TBC1D1: variants seen among roughly 807,000 people sequenced by gnomAD.
The protein encoded by TBC1D1 is TBC1 domain family member 1, also known as TBC1 (tre-2/USP6, BUB2, cdc16) domain family, member 1.
A neutral mutation model predicts 125.6 loss-of-function variants in TBC1D1; 89 were observed. The observed-to-expected ratio is 0.71, with a 90% CI of 0.60 to 0.85. The LOEUF (loss-of-function observed/expected upper bound fraction) is 0.85. Among genes scored for constraint, TBC1D1 ranks in the 40% least tolerant of loss-of-function variants. The pLI, the probability that TBC1D1 is intolerant of heterozygous loss-of-function variation, is 0.00. For synonymous variants in TBC1D1, 565 were observed against 564.1 expected, an observed-to-expected ratio of 1.00 and a Z score of -0.02; for missense variants, 1,377 against 1,469.2, an observed-to-expected ratio of 0.94 and a Z score of 1.03.
rs1200105886 is a variant in TBC1D1 at position 38,035,628 on chromosome 4, T to C, written c.1343T>C (p.Ile448Thr). Residue 448 changes from isoleucine (I) to threonine (T), a missense_variant, in exon 8 of 20, where the codon ATT becomes ACT. This residue lies in a region of TBC1D1 where 822 missense variants were observed against 824.6 expected (regional missense o/e 1.00). Coordinates refer to ENST00000261439, the MANE Select transcript of TBC1D1 (RefSeq NM_015173.4). ...AATGAGCAGCGAGAGAATGAATTGA[T>C]TATTTCTTTTCTGAGATGTTTATAT... The C allele has an allele frequency of 3.7e-6, 6 of 1,613,892 alleles. No individual in the cohort carries two copies. The African/African-American group carries it at 4.0e-5, about 11-fold the overall frequency.
Position 38,115,973 on chromosome 4 carries a change from G to C in TBC1D1, c.2802+19G>C. The C allele has an allele frequency of 6.2e-7, 1 of 1,609,952 alleles. No homozygotes were observed. ...TTTACAGGTATAGAGTGTTCCTTAT[G>C]TCTTTAATACAACAAAATGCTAAGA... On this transcript the variant is annotated intron_variant, in intron 16 of 19. Transcript: ENST00000261439.
chr4:38,107,934 G>A (rs916882458), intron 15 of TBC1D1, among the ~76,000 whole-genome samples: 5 of 152,064 alleles, frequency 3.3e-5, no homozygotes, highest in Non-Finnish European at 7.4e-5. Flanking sequence ...CCCCACCCCT[G>A]CTTTGGTGGA....
intron 2 of TBC1D1, among the ~76,000 whole-genome samples, chr4:37,903,275 T>C (rs1716534475): frequency 6.6e-6 from 1 of 152,256 alleles, no homozygotes; most frequent in Admixed American, 6.5e-5. Context: ...GCTTTGTTAT[T>C]AGCATTCGTT....
intron 2 of TBC1D1, among the ~76,000 whole-genome samples, chr4:37,989,068 T>C (rs541550103): frequency 3.0e-4 from 46 of 152,358 alleles, no homozygotes; most frequent in African/African-American, 1.0e-3. Context: ...CTGTCTCTTA[T>C]GGGGAAAATC....
At chr4:38,132,410 C>A (rs528018696) in intron 18 of TBC1D1, among the ~76,000 whole-genome samples, 25 of 152,200 alleles carry the variant, frequency 1.6e-4, no homozygotes, top group African/African-American at 5.8e-4. Flanking sequence ...CAGACACGGA[C>A]GGCTTGAGTC....
At position 38,138,467 on chromosome 4, in the gene TBC1D1, A is replaced by G. The variant is rs1028777984; in HGVS notation, c.*1132A>G. ...CCAAGAGTCTGGGACTTTCAAAAAA[A>G]AAAGATCAGGCTGAAACTGCAGTCA... is the stretch of plus-strand genomic sequence containing the variant. On this transcript the variant is annotated 3_prime_UTR_variant, in exon 20 of 20. Coordinates refer to ENST00000261439, the MANE Select transcript of TBC1D1 (RefSeq NM_015173.4). 3.9e-5 allele frequency: 6 copies of G among 152,626 alleles called. No homozygotes were observed. Among genetic ancestry groups the G allele is most frequent in the African/African-American group, 1.4e-4 (6 of 41,440 alleles). The allele number at this position is 152,626 out of a possible 1,614,324, so 9.5% of individuals were successfully genotyped here. A position where few individuals can be genotyped will look rare whatever the true frequency, so the allele number is the denominator to read the frequency against.
intron 12 of TBC1D1, among the ~76,000 whole-genome samples, chr4:38,063,843 G>T (rs1243975937): frequency 6.6e-6 from 1 of 152,070 alleles, no homozygotes. Flanking sequence ...TGGCCAGACT[G>T]GTCTACAACT....
At chr4:38,031,883 C>G (rs776401922) in intron 7 of TBC1D1, among the ~76,000 whole-genome samples, 1 of 152,204 alleles carries the variant, frequency 6.6e-6, no homozygotes, top group Non-Finnish European at 1.5e-5. Context: ...TTACTTTTAA[C>G]AGGCGATTAA....
chr4:38,054,567 G>C (rs906969980), intron 12 of TBC1D1, among the ~76,000 whole-genome samples: 3 of 152,208 alleles, frequency 2.0e-5, no homozygotes, highest in Non-Finnish European at 4.4e-5. Context: ...GCAGAGCTCT[G>C]ATGTTTAGAG....
At chr4:38,052,706 ACACACACGCGCGCGCGCGCGCG>A (rs1166509239) in intron 11 of TBC1D1, among the ~76,000 whole-genome samples, 43 of 96,320 alleles carry the variant, frequency 4.5e-4, no homozygotes, top group African/African-American at 1.9e-3. Context: ...GCGTATATAC[ACACACACGCGCGCGCGCGCGCG>A]CACACACACA....
At chr4:37,986,167 A>G (rs1735410227) in intron 2 of TBC1D1, among the ~76,000 whole-genome samples, 1 of 152,186 alleles carries the variant, frequency 6.6e-6, no homozygotes, top group Non-Finnish European at 1.5e-5. Flanking sequence ...GGATTTAGTA[A>G]TGTAATTACG....
At chr4:38,040,438 G>A (rs780853541) in intron 8 of TBC1D1, among the ~76,000 whole-genome samples, 9 of 152,138 alleles carry the variant, frequency 5.9e-5, no homozygotes, top group Non-Finnish European at 1.2e-4. Context: ...ATAGGCGTGC[G>A]CCACCACGCC....
intron 14 of TBC1D1, among the ~76,000 whole-genome samples, chr4:38,097,308 G>A (rs1271782316): frequency 6.7e-5 from 10 of 149,942 alleles, no homozygotes; most frequent in South Asian, 4.2e-4. Flanking sequence ...GATTACAGGC[G>A]CCCGGCACCA....
rs779285799 is a variant in TBC1D1, at chr4:38,054,181, A to G, written c.1911-18A>G. ...ATTCCTCCCCACTAGTCATAAATCA[A>G]TCATCTTATAATTTTAGGGACTTTG... On this transcript the variant is annotated intron_variant, in intron 11 of 19. Transcript: ENST00000261439. 10 of 1,612,236 alleles carry G rather than the reference A, an allele frequency of 6.2e-6. No homozygotes were observed. In the East Asian group the frequency reaches 2.2e-4, roughly 36 times the overall value.
At chr4:38,030,672 C>T (rs774279309) in intron 7 of TBC1D1, among the ~76,000 whole-genome samples, 1 of 152,192 alleles carries the variant, frequency 6.6e-6, no homozygotes, top group Non-Finnish European at 1.5e-5. Flanking sequence ...AAAAAGGTGG[C>T]TTTGCAGTTT....
At chr4:38,100,125 G>T (rs1760048362) in intron 14 of TBC1D1, among the ~76,000 whole-genome samples, 1 of 152,174 alleles carries the variant, frequency 6.6e-6, no homozygotes, top group Non-Finnish European at 1.5e-5. Context: ...GCGTGTGTGT[G>T]TATGTACCCA....
chr4:37,934,410 A>G (rs1322365515), intron 2 of TBC1D1, among the ~76,000 whole-genome samples: 4 of 152,142 alleles, frequency 2.6e-5, no homozygotes, highest in African/African-American at 2.4e-5. Context: ...CCAGAAATGT[A>G]TCCACGATAT....
chr4:37,959,235 G>A (rs1287145600), intron 2 of TBC1D1, among the ~76,000 whole-genome samples: 1 of 152,042 alleles, frequency 6.6e-6, no homozygotes, highest in African/African-American at 2.4e-5. Context: ...AAGCTTAACC[G>A]ATAGTCTTCC....
At chr4:38,020,556 A>G (rs1560632358) in intron 4 of TBC1D1, 35 bp from the exon 5 acceptor site, 1 of 1,565,664 alleles carries the variant, frequency 6.4e-7, no homozygotes, top group East Asian at 2.3e-5. Context: ...CGTCTTCTGG[A>G]TACAACTGAA....
Sources: gnomAD v4.1 joint callset for allele counts (sites outside exome capture counted in the v4.1 genomes callset) on GRCh38, gnomAD v4.1.1 for gene constraint, gnomAD v4.1.1 regional missense constraint, MANE v1.5 for transcripts, NCBI Gene and HGNC (gene_info 2026-07-23, HGNC 2026-07-21) for gene names.